The following NKAIN3 variants were observed in gnomAD, a reference collection of about 807,000 sequenced individuals.
NKAIN3 encodes the protein sodium/potassium transporting ATPase interacting 3.
NKAIN3 carries 25 observed loss-of-function variants against 30.2 expected under a neutral mutation model. The observed-to-expected ratio is 0.83, with a 90% CI of 0.60 to 1.16. NKAIN3 has a LOEUF of 1.16. NKAIN3 is among the 50% of genes most tolerant of loss of function. The pLI, the probability that NKAIN3 is intolerant of heterozygous loss-of-function variation, is 0.00. For missense variants in NKAIN3, 225 were observed against 254.1 expected, an observed-to-expected ratio of 0.89 and a Z score of 0.78; for synonymous variants, 91 against 89.6, an observed-to-expected ratio of 1.02 and a Z score of -0.09.
chr8:62,910,924 A>C (rs1316522286), intron 4 of NKAIN3, among the ~76,000 whole-genome samples: 1 of 152,192 alleles, frequency 6.6e-6, no homozygotes, highest in Non-Finnish European at 1.5e-5. Flanking sequence ...ATGCCAATGG[A>C]TGAACCAGTA....
chr8:62,954,868 C>A (rs1396038370), intron 6 of NKAIN3, among the ~76,000 whole-genome samples: 1 of 152,156 alleles, frequency 6.6e-6, no homozygotes, highest in Non-Finnish European at 1.5e-5. Context: ...AGTTGTGGAG[C>A]TGAGATCTTT....
At chr8:62,990,189 GC>G in intron 5 of NKAIN3, 1 of 1,488,624 alleles carries the variant, frequency 6.7e-7, no homozygotes, top group Non-Finnish European at 9.2e-7. Context: ...CTGCAAGTAT[GC>G]AAACATCTTT....
At chr8:62,605,807 G>C (rs1286286997) in intron 3 of NKAIN3, among the ~76,000 whole-genome samples, 3 of 151,976 alleles carry the variant, frequency 2.0e-5, no homozygotes, top group Non-Finnish European at 4.4e-5. Flanking sequence ...GGTGTCTGCA[G>C]GGGGCCTGGA....
intron 1 of NKAIN3, among the ~76,000 whole-genome samples, chr8:62,534,601 A>C (rs1424331574): frequency 6.6e-6 from 1 of 152,192 alleles, no homozygotes; most frequent in Non-Finnish European, 1.5e-5. Flanking sequence ...TTCAGCATGC[A>C]GCCAAAGGGC....
chr8:62,908,589 A>G (rs1199799551), intron 4 of NKAIN3, among the ~76,000 whole-genome samples: 2 of 152,112 alleles, frequency 1.3e-5, no homozygotes, highest in East Asian at 1.9e-4. Context: ...TGCTGTTCTC[A>G]TGATAGTGAA....
intron 1 of NKAIN3, among the ~76,000 whole-genome samples, chr8:62,359,956 G>A (rs967577849): frequency 6.6e-6 from 1 of 152,196 alleles, no homozygotes; most frequent in Non-Finnish European, 1.5e-5. Context: ...AGAGGTCCTG[G>A]TGTTAAGCTC....
intron 3 of NKAIN3, among the ~76,000 whole-genome samples, chr8:62,611,321 A>G (rs1811283305): frequency 6.6e-6 from 1 of 152,100 alleles, no homozygotes; most frequent in Non-Finnish European, 1.5e-5. Flanking sequence ...AAAAAATCCA[A>G]TTACATTCTT....
chr8:62,403,104 T>G (rs1249474890), intron 1 of NKAIN3, among the ~76,000 whole-genome samples: 2 of 152,188 alleles, frequency 1.3e-5, no homozygotes, highest in African/African-American at 4.8e-5. Flanking sequence ...TAAAAGTCAC[T>G]CTTGCTCTTC....
At position 62,748,507 on chromosome 8, in the gene NKAIN3, G is replaced by A. The variant is rs188680961; in HGVS notation, c.471+1378G>A. ...TCAGCCTGTAGTTAATGTGAGAGGG[G>A]GCTATCAAAAGGTGAGAAGACAAGG... On this transcript the variant is annotated intron_variant, in intron 4 of 6. Transcript: ENST00000623646. Among the ~76,000 whole-genome samples, 249 of 152,260 alleles carry A rather than the reference G, an allele frequency of 1.6e-3. 1 individual carries two copies. Among genetic ancestry groups the A allele is most frequent in the African/African-American group, 5.6e-3 (232 of 41,540 alleles).
intron 1 of NKAIN3, among the ~76,000 whole-genome samples, chr8:62,534,341 T>C (rs1022429521): frequency 1.1e-4 from 16 of 152,278 alleles, no homozygotes; most frequent in African/African-American, 3.6e-4. Flanking sequence ...ACAACAGGCA[T>C]GCTCATAAAT....
intron 6 of NKAIN3, among the ~76,000 whole-genome samples, chr8:62,959,914 G>T (rs1585624022): frequency 6.6e-6 from 1 of 152,180 alleles, no homozygotes; most frequent in East Asian, 1.9e-4. Flanking sequence ...GGGCTTCCTT[G>T]TGTGCCTGCC....
intron 1 of NKAIN3, among the ~76,000 whole-genome samples, chr8:62,562,590 G>C (rs1003883439): frequency 6.6e-6 from 1 of 151,906 alleles, no homozygotes; most frequent in Non-Finnish European, 1.5e-5. Flanking sequence ...TTTAATTTAG[G>C]GTAGCAGAAA....
intron 1 of NKAIN3, among the ~76,000 whole-genome samples, chr8:62,487,131 C>A (rs1806927006): frequency 6.6e-6 from 1 of 152,174 alleles, no homozygotes. Flanking sequence ...TAAAATATCA[C>A]AAAGGTGCTA....
chr8:62,511,157 C>T (rs1807803426), intron 1 of NKAIN3, among the ~76,000 whole-genome samples: 1 of 152,206 alleles, frequency 6.6e-6, no homozygotes, highest in Non-Finnish European at 1.5e-5. Flanking sequence ...TTTCCCCACA[C>T]CCTGGAATTC....
intron 3 of NKAIN3, among the ~76,000 whole-genome samples, chr8:62,611,483 T>C (rs1811288171): frequency 1.3e-5 from 2 of 152,186 alleles, no homozygotes; most frequent in African/African-American, 4.8e-5. Flanking sequence ...TTCTACTTTC[T>C]ATGTCCATAT....
chr8:62,387,087 C>T (rs1409585614), intron 1 of NKAIN3, among the ~76,000 whole-genome samples: 1 of 152,002 alleles, frequency 6.6e-6, no homozygotes, highest in Non-Finnish European at 1.5e-5. Flanking sequence ...AAATACTACC[C>T]AGGCCAGGCC....
At chr8:62,358,831 A>G (rs911480444) in intron 1 of NKAIN3, among the ~76,000 whole-genome samples, 4 of 152,216 alleles carry the variant, frequency 2.6e-5, no homozygotes, top group Admixed American at 6.5e-5. Flanking sequence ...AAACAACAAA[A>G]GAGATAGTGC....
intron 4 of NKAIN3, among the ~76,000 whole-genome samples, chr8:62,827,172 C>T (rs1031606729): frequency 4.6e-5 from 7 of 152,188 alleles, no homozygotes; most frequent in African/African-American, 1.2e-4. Context: ...TGCTTTGCAT[C>T]ATTGTTGTAG....
In NKAIN3 at chr8:62,855,644, A is replaced by G. The variant is rs1029152773; in HGVS notation, c.472-62809A>G. The G allele has an allele frequency of 1.9e-6, 3 of 1,604,220 alleles. No individual in the cohort carries two copies. In the African/African-American group the frequency reaches 4.0e-5, roughly 21 times the overall value. On this transcript the variant is annotated intron_variant, in intron 4 of 6. Transcript: ENST00000623646. ...CATCAAATCCAAGGCCAAGGCCTCCAGGTTCCTGAAGTGCTGCTGCAGCCC... is the reference window on the plus strand; with the variant it reads ...CATCAAATCCAAGGCCAAGGCCTCCGGGTTCCTGAAGTGCTGCTGCAGCCC...
Sources: allele counts gnomAD v4.1 joint callset (sites outside exome capture counted in the v4.1 genomes callset), GRCh38; gene constraint gnomAD v4.1.1; transcripts MANE v1.5; gene names NCBI Gene and HGNC (gene_info 2026-07-23, HGNC 2026-07-21).